The following SAMTOR variants were observed in gnomAD, a reference collection of about 807,000 sequenced individuals.
The protein encoded by SAMTOR is S-adenosylmethionine sensor upstream of mTORC1, also known as UPF0532 protein C7orf60.
chr7:112,917,256 T>C, the SAMTOR span, among the ~76,000 whole-genome samples: 2 of 152,158 alleles, frequency 1.3e-5, no homozygotes, highest in Non-Finnish European at 2.9e-5. Context: ...GAGACAAAAC[T>C]TCCAGAGGAA....
chr7:112,910,974 C>T, the SAMTOR span, among the ~76,000 whole-genome samples: 1 of 152,104 alleles, frequency 6.6e-6, no homozygotes, highest in African/African-American at 2.4e-5. Flanking sequence ...CAGACAAGCA[C>T]AAGTCCTTCC....
At chr7:112,935,276 A>C in the SAMTOR span, 1 of 425,040 alleles carries the variant, frequency 2.4e-6, no homozygotes, top group South Asian at 1.8e-5. Context: ...TGAGGAAAAA[A>C]AATAAGAAAA....
At chr7:112,867,235 G>T in the SAMTOR span, among the ~76,000 whole-genome samples, 5 of 152,144 alleles carry the variant, frequency 3.3e-5, no homozygotes, top group African/African-American at 9.7e-5. Context: ...AATTCATTCA[G>T]CTTGCTTAAA....
chr7:112,832,114 C>A, the SAMTOR span, among the ~76,000 whole-genome samples: 1 of 151,510 alleles, frequency 6.6e-6, no homozygotes, highest in African/African-American at 2.4e-5. Flanking sequence ...CGGGTTCAAG[C>A]GATTCTCCTG....
At chr7:112,939,677 C>T in the SAMTOR span, 6 of 1,613,044 alleles carry the variant, frequency 3.7e-6, no homozygotes, top group African/African-American at 4.0e-5. Context: ...CTCCTGCTCC[C>T]GGGGCGGCGG....
the SAMTOR span, among the ~76,000 whole-genome samples, chr7:112,840,778 A>G: frequency 6.6e-6 from 1 of 151,952 alleles, no homozygotes; most frequent in Non-Finnish European, 1.5e-5. Context: ...CTGGGATGCA[A>G]GGCTGGCTCA....
At chr7:112,849,302 C>G in the SAMTOR span, among the ~76,000 whole-genome samples, 1 of 152,076 alleles carries the variant, frequency 6.6e-6, no homozygotes, top group Non-Finnish European at 1.5e-5. Context: ...TTTCCCTTCA[C>G]AGAAATAGAA....
At chr7:112,891,157 A>G in the SAMTOR span, among the ~76,000 whole-genome samples, 2 of 152,238 alleles carry the variant, frequency 1.3e-5, no homozygotes, top group Non-Finnish European at 2.9e-5. Flanking sequence ...TGATAGAAGT[A>G]TAACTATATA....
At chr7:112,874,021 G>T in the SAMTOR span, among the ~76,000 whole-genome samples, 1 of 152,072 alleles carries the variant, frequency 6.6e-6, no homozygotes, top group Non-Finnish European at 1.5e-5. Context: ...ATATCAGTCA[G>T]AATGGCTATT....
At chr7:112,869,150 T>C in the SAMTOR span, among the ~76,000 whole-genome samples, 1 of 151,950 alleles carries the variant, frequency 6.6e-6, no homozygotes, top group Admixed American at 6.5e-5. Context: ...AAGGAATGAA[T>C]TCGGAGAGTG....
At chr7:112,926,798 GA>G in the SAMTOR span, among the ~76,000 whole-genome samples, 1 of 152,122 alleles carries the variant, frequency 6.6e-6, no homozygotes, top group African/African-American at 2.4e-5. Context: ...TGCTATAAAA[GA>G]GATATGAACC....
chr7:112,898,561 AT>A, the SAMTOR span, among the ~76,000 whole-genome samples: 5 of 152,314 alleles, frequency 3.3e-5, no homozygotes, highest in East Asian at 9.7e-4. Flanking sequence ...ACAGAAGGGA[AT>A]CCTCTGCCCT....
At chr7:112,903,757 GA>G in the SAMTOR span, among the ~76,000 whole-genome samples, 6 of 152,258 alleles carry the variant, frequency 3.9e-5, no homozygotes, top group East Asian at 1.2e-3. Flanking sequence ...CTGAAGGAAA[GA>G]AAGTGTGAGT....
At chr7:112,922,401 C>T in the SAMTOR span, among the ~76,000 whole-genome samples, 1 of 152,160 alleles carries the variant, frequency 6.6e-6, no homozygotes, top group African/African-American at 2.4e-5. Flanking sequence ...TGAGGAGCGT[C>T]TCTGCCTGGC....
the SAMTOR span, among the ~76,000 whole-genome samples, chr7:112,884,079 C>T: frequency 6.6e-6 from 1 of 152,134 alleles, no homozygotes; most frequent in Non-Finnish European, 1.5e-5. Context: ...GTTTTATAAG[C>T]CCATTAATAA....
the SAMTOR span, among the ~76,000 whole-genome samples, chr7:112,849,047 TAAA>T: frequency 1.5e-5 from 2 of 137,806 alleles, no homozygotes. Flanking sequence ...AGACTCCATC[TAAA>T]AAAAAAAAAA....
chr7:112,936,024 A>C, the SAMTOR span, among the ~76,000 whole-genome samples: 1 of 152,214 alleles, frequency 6.6e-6, no homozygotes, highest in Non-Finnish European at 1.5e-5. Flanking sequence ...TTTTTTAATT[A>C]AAAAGCTGTC....
the SAMTOR span, chr7:112,935,411 A>G: frequency 3.5e-5 from 10 of 287,702 alleles, no homozygotes; most frequent in Admixed American, 2.0e-4. Flanking sequence ...ATTTTAATAC[A>G]AAAGTTTTTC....
At chr7:112,931,165 T>C in the SAMTOR span, among the ~76,000 whole-genome samples, 1 of 152,326 alleles carries the variant, frequency 6.6e-6, no homozygotes. Flanking sequence ...GGTCATTTAG[T>C]TTAACACTCC....
Sources: gnomAD v4.1 joint callset for allele counts (sites outside exome capture counted in the v4.1 genomes callset) on GRCh38, gnomAD v4.1.1 for gene constraint, MANE v1.5 for transcripts, NCBI Gene and HGNC (gene_info 2026-07-23, HGNC 2026-07-21) for gene names.